Variants in SEMA6D observed in about 807,000 individuals in gnomAD.
SEMA6D encodes semaphorin 6D.
In SEMA6D, 35 loss-of-function variants were observed where a neutral mutation model predicts 106.6. The observed-to-expected ratio is 0.33, with a 90% CI of 0.25 to 0.44. The LOEUF is 0.44. SEMA6D is among the 20% of genes least tolerant of loss of function. SEMA6D has a pLI of 1.00. For missense variants in SEMA6D, 1,185 were observed against 1,345.9 expected (o/e 0.88, Z 1.87); for synonymous variants, 499 against 487.7 (o/e 1.02, Z -0.31).
chr15:47,651,241 G>T (rs1394859388), intron 4 of SEMA6D, among the ~76,000 whole-genome samples: 1 of 151,942 alleles, frequency 6.6e-6, no homozygotes, highest in Non-Finnish European at 1.5e-5. Context: ...AAGATCCCAT[G>T]TTTAAAAAAT....
intron 3 of SEMA6D, among the ~76,000 whole-genome samples, chr15:47,584,518 C>T (rs1221991688): frequency 6.6e-6 from 1 of 151,976 alleles, no homozygotes; most frequent in African/African-American, 2.4e-5. Flanking sequence ...TTATTCAGCC[C>T]CTGGCATAGC....
intron 1 of SEMA6D, among the ~76,000 whole-genome samples, chr15:47,199,528 A>T (rs761843360): frequency 2.0e-5 from 3 of 152,136 alleles, no homozygotes; most frequent in Non-Finnish European, 2.9e-5. Context: ...TAAATATCTA[A>T]GTGGATATGT....
intron 3 of SEMA6D, among the ~76,000 whole-genome samples, chr15:47,502,756 A>T (rs547849316): frequency 6.6e-6 from 1 of 152,206 alleles, no homozygotes; most frequent in Non-Finnish European, 1.5e-5. Context: ...ACCTCCATGT[A>T]TTAATACTCT....
intron 4 of SEMA6D, among the ~76,000 whole-genome samples, chr15:47,627,996 T>G (rs1374640818): frequency 6.6e-6 from 1 of 152,122 alleles, no homozygotes; most frequent in African/African-American, 2.4e-5. Flanking sequence ...AGAGTCCTCT[T>G]TATCATTGCA....
In SEMA6D at chr15:47,301,736, C is replaced by T. The variant is rs561476039; in HGVS notation, c.-238-110657C>T. 1.1e-4 allele frequency among the ~76,000 whole-genome samples: 16 copies of T among 152,312 alleles called. No individual in the cohort carries two copies. The East Asian group carries it at 2.1e-3, about 20-fold the overall frequency. ...AGCAACAGCTGTGAGAGGGAGGAAA[C>T]GAGACGGGCAGTGACCATAGGGCAA... On this transcript the variant is annotated intron_variant, in intron 1 of 19. Coordinates refer to the SEMA6D transcript ENST00000558014.
chr15:47,655,677 A>G (rs1169022536), intron 4 of SEMA6D, among the ~76,000 whole-genome samples: 4 of 152,224 alleles, frequency 2.6e-5, no homozygotes, highest in African/African-American at 9.6e-5. Context: ...CTTACAAATT[A>G]TTAATGTGTT....
chr15:47,344,561 A>G (rs1452888662), intron 1 of SEMA6D, among the ~76,000 whole-genome samples: 1 of 152,142 alleles, frequency 6.6e-6, no homozygotes, highest in Non-Finnish European at 1.5e-5. Context: ...AGGATATGAA[A>G]CTGAGAGTCT....
chr15:47,410,238 A>T (rs2040743162), intron 1 of SEMA6D, among the ~76,000 whole-genome samples: 1 of 151,682 alleles, frequency 6.6e-6, no homozygotes, highest in Non-Finnish European at 1.5e-5. Context: ...CTTGCCTTGG[A>T]CTTCCAGTTG....
At chr15:47,625,791 C>T (rs193160721) in intron 4 of SEMA6D, among the ~76,000 whole-genome samples, 8 of 151,938 alleles carry the variant, frequency 5.3e-5, no homozygotes, top group East Asian at 1.9e-4. Flanking sequence ...TGCATGATTA[C>T]GTACTGTTAA....
At chr15:47,604,290 A>G (rs1243205701) in intron 4 of SEMA6D, 2 of 152,256 alleles carry the variant, frequency 1.3e-5, no homozygotes, top group African/African-American at 2.4e-5. Context: ...TTACATAAAG[A>G]AAGTGCTTAA....
intron 4 of SEMA6D, among the ~76,000 whole-genome samples, chr15:47,647,719 C>CAAAAAAAAAAAAAAAAAAAAAA (rs777557315): frequency 6.4e-5 from 6 of 93,836 alleles, no homozygotes; most frequent in South Asian, 3.8e-4. Context: ...CAATTGTGGG[C>CAAAAAAAAAAAAAAAAAAAAAA]AAAAAAAAAA....
intron 1 of SEMA6D, chr15:47,730,762 T>C: frequency 3.8e-6 from 6 of 1,598,700 alleles, no homozygotes; most frequent in Non-Finnish European, 5.1e-6. Context: ...CCTGATATAG[T>C]GGGGCCATTT....
intron 3 of SEMA6D, among the ~76,000 whole-genome samples, chr15:47,481,667 C>T (rs2043156483): frequency 6.6e-6 from 1 of 152,154 alleles, no homozygotes; most frequent in East Asian, 1.9e-4. Context: ...AGTATAACTG[C>T]AGTGCTCTGA....
chr15:47,261,764 A>T (rs143257621), intron 1 of SEMA6D, among the ~76,000 whole-genome samples: 138 of 152,298 alleles, frequency 9.1e-4, no homozygotes, highest in African/African-American at 3.1e-3. Context: ...TAAATAGAAT[A>T]ATATAATAGT....
At chr15:47,366,046 T>C (rs1306851515) in intron 1 of SEMA6D, among the ~76,000 whole-genome samples, 1 of 152,230 alleles carries the variant, frequency 6.6e-6, no homozygotes, top group African/African-American at 2.4e-5. Context: ...GGGTCAGTTA[T>C]GAACTGACCT....
chr15:47,767,669 G>A (rs1200282550), intron 17 of SEMA6D, among the ~76,000 whole-genome samples: 1 of 152,142 alleles, frequency 6.6e-6, no homozygotes, highest in Non-Finnish European at 1.5e-5. Context: ...CTCTGTACCT[G>A]TTTGGAGCCT....
At chr15:47,555,946 G>A (rs531941168) in intron 3 of SEMA6D, among the ~76,000 whole-genome samples, 55 of 152,202 alleles carry the variant, frequency 3.6e-4, no homozygotes, top group African/African-American at 1.3e-3. Flanking sequence ...ATAGCTGGGG[G>A]TACTCATCAT....
In SEMA6D at chr15:47,422,381, G is replaced by A. The variant is rs116030033; in HGVS notation, c.-159+9909G>A. Among the ~76,000 whole-genome samples, 756 of 152,040 alleles carry A rather than the reference G, an allele frequency of 5.0e-3. 5 individuals carry two copies. The highest frequency in any genetic ancestry group is 0.017 in the African/African-American group (718 of 41,502). ...ACAGTTAAAACAGATAAGTTTCCAA[G>A]CTCAGTTTCTTGATTGATACTACCT... On this transcript the variant is annotated intron_variant, in intron 2 of 19. Transcript: ENST00000558014.
intron 1 of SEMA6D, among the ~76,000 whole-genome samples, chr15:47,403,637 G>T (rs765117671): frequency 6.6e-6 from 1 of 152,202 alleles, no homozygotes; most frequent in Non-Finnish European, 1.5e-5. Context: ...ACAGTTAACT[G>T]CACTCGAGTT....
Sources: gnomAD v4.1 joint callset for allele counts (sites outside exome capture counted in the v4.1 genomes callset) on GRCh38, gnomAD v4.1.1 for gene constraint, MANE v1.5 for transcripts, NCBI Gene and HGNC (gene_info 2026-07-23, HGNC 2026-07-21) for gene names.